Variants in STK39 observed in about 807,000 individuals in gnomAD.
STK39 encodes the protein serine/threonine kinase 39.
A neutral mutation model predicts 77.8 loss-of-function variants in STK39; 20 were observed. The observed-to-expected ratio is 0.26, with a 90% CI of 0.18 to 0.37. STK39 has a LOEUF of 0.37. STK39 is among the 10% of genes least tolerant of loss of function. The pLI is 1.00. For missense variants in STK39, 479 were observed against 656.5 expected (o/e 0.73, Z 2.95); for synonymous variants, 246 against 234.1 (o/e 1.05, Z -0.47).
rs1369804374 is a variant in STK39 at position 168,122,518 on chromosome 2, C to A, written c.1089+7023G>T. ...ACAGTGGTGTGACTATGGCTTACTG[C>A]AATTTCAACCTCCTGGGCTCCATCA... is the stretch of plus-strand genomic sequence containing the variant. On this transcript the variant is annotated intron_variant, in intron 10 of 17. Transcript: ENST00000355999. Among the ~76,000 whole-genome samples, 3 of 152,238 alleles carry A rather than the reference C, an allele frequency of 2.0e-5. 1 individual carries two copies.
intron 10 of STK39, among the ~76,000 whole-genome samples, chr2:168,100,395 T>G (rs186139124): frequency 2.7e-3 from 411 of 152,280 alleles, no homozygotes; most frequent in Admixed American, 5.3e-3. Context: ...TCATTTTACC[T>G]CTCTGAGCCT....
chr2:168,018,665 G>A (rs1684495006), intron 14 of STK39, among the ~76,000 whole-genome samples: 1 of 152,138 alleles, frequency 6.6e-6, no homozygotes, highest in African/African-American at 2.4e-5. Context: ...CAGAGTCAGA[G>A]ATGGCCTGAA....
At chr2:168,035,139 T>G (rs1434397193) in intron 14 of STK39, among the ~76,000 whole-genome samples, 1 of 152,192 alleles carries the variant, frequency 6.6e-6, no homozygotes, top group Non-Finnish European at 1.5e-5. Flanking sequence ...TTCATGCTTT[T>G]GACTGGTTAT....
At chr2:168,231,173 G>T (rs1317045705) in intron 1 of STK39, among the ~76,000 whole-genome samples, 1 of 152,168 alleles carries the variant, frequency 6.6e-6, no homozygotes, top group East Asian at 1.9e-4. Flanking sequence ...ATGCTAAAGA[G>T]TCATTTTGTA....
chr2:168,081,498 C>A (rs1370605175), intron 10 of STK39, among the ~76,000 whole-genome samples: 1 of 152,122 alleles, frequency 6.6e-6, no homozygotes, highest in Non-Finnish European at 1.5e-5. Context: ...AACTAACTTG[C>A]TTTTGATTCT....
In STK39 at chr2:168,065,358, G is replaced by T; in HGVS notation, c.1266C>A (p.Ile422=). 1.2e-6 allele frequency: 2 copies of T among 1,614,128 alleles called. No homozygotes were observed. Among genetic ancestry groups the T allele is most frequent in the Non-Finnish European group, 1.7e-6 (2 of 1,179,968 alleles). ...CAGAGAGGGACTGTATTTGTTCGGGGATGGTGCTGGCACTCACTGCAATCT... is the reference window on the plus strand; with the variant it reads ...CAGAGAGGGACTGTATTTGTTCGGGTATGGTGCTGGCACTCACTGCAATCT... ...NPEIAVSAST[I]PEQIQSLSVH... The change falls in exon 13 of 18, where the codon ATC becomes ATA. Residue 422 remains isoleucine (I), a synonymous_variant. Coordinates refer to ENST00000355999, the MANE Select transcript of STK39 (RefSeq NM_013233.3).
intron 16 of STK39, among the ~76,000 whole-genome samples, chr2:168,002,462 C>T (rs755584233): frequency 6.6e-6 from 1 of 152,212 alleles, no homozygotes; most frequent in East Asian, 1.9e-4. Flanking sequence ...CCCTGGAGAG[C>T]TGGTCATTCT....
intron 17 of STK39, among the ~76,000 whole-genome samples, chr2:167,959,491 A>G (rs941857007): frequency 2.0e-5 from 3 of 152,066 alleles, no homozygotes; most frequent in African/African-American, 7.2e-5. Context: ...ATGTCTGCCA[A>G]ATATCCGAGT....
At chr2:168,140,614 T>C in intron 6 of STK39, 35 bp downstream of exon 6, 1 of 1,503,346 alleles carries the variant, frequency 6.7e-7, no homozygotes, top group Middle Eastern at 1.7e-4. Context: ...GATTGTACTA[T>C]GTCCATCAAA....
intron 16 of STK39, among the ~76,000 whole-genome samples, chr2:167,998,242 C>G (rs1410026858): frequency 6.6e-6 from 1 of 152,180 alleles, no homozygotes; most frequent in Admixed American, 6.5e-5. Flanking sequence ...CAAAGGTTAG[C>G]TAAACAAGAA....
chr2:168,094,558 A>G (rs1170891441), intron 10 of STK39, among the ~76,000 whole-genome samples: 3 of 152,106 alleles, frequency 2.0e-5, no homozygotes, highest in African/African-American at 7.2e-5. Flanking sequence ...GCTAAATCCA[A>G]TGTCCTTTTG....
At chr2:168,077,534 G>A (rs1018809472) in intron 10 of STK39, among the ~76,000 whole-genome samples, 1 of 152,068 alleles carries the variant, frequency 6.6e-6, no homozygotes, top group African/African-American at 2.4e-5. Context: ...AATAAACATT[G>A]GTTAAACAAA....
chr2:168,014,104 C>A (rs1239084975), intron 15 of STK39, among the ~76,000 whole-genome samples: 1 of 152,066 alleles, frequency 6.6e-6, no homozygotes, highest in Admixed American at 6.6e-5. Flanking sequence ...AAGTAAATGG[C>A]AAATAAATAT....
intron 5 of STK39, among the ~76,000 whole-genome samples, chr2:168,143,520 G>C (rs993729182): frequency 1.3e-5 from 2 of 152,144 alleles, no homozygotes; most frequent in African/African-American, 4.8e-5. Context: ...AGACCATCCA[G>C]GCCAACATGG....
At position 168,073,966 on chromosome 2, in the gene STK39, C is replaced by T. The variant is rs994067078; in HGVS notation, c.1242+1016G>A. 1.1e-4 allele frequency among the ~76,000 whole-genome samples: 17 copies of T among 152,024 alleles called. 1 individual carries two copies. Among genetic ancestry groups the T allele is most frequent in the Middle Eastern group, 6.8e-3 (2 of 294 alleles). On this transcript the variant is annotated intron_variant, in intron 12 of 17. Transcript: ENST00000355999. ...ATTGAGAGGTGAATTAAATGATAAA[C>T]ATAGGAGAAAACAAAATCTGAAGGA... is the stretch of plus-strand genomic sequence containing the variant.
chr2:167,974,612 T>C (rs1044326010), intron 16 of STK39, among the ~76,000 whole-genome samples: 23 of 152,354 alleles, frequency 1.5e-4, no homozygotes, highest in Middle Eastern at 3.4e-3. Flanking sequence ...GTTATTATGT[T>C]GTTATTGCAG....
intron 2 of STK39, among the ~76,000 whole-genome samples, chr2:168,174,413 T>C (rs1193066485): frequency 1.3e-5 from 2 of 152,092 alleles, no homozygotes; most frequent in Admixed American, 1.3e-4. Flanking sequence ...TAAAATTCGC[T>C]TGGAAGTGAA....
intron 14 of STK39, among the ~76,000 whole-genome samples, chr2:168,017,662 C>A (rs1242469728): frequency 6.6e-6 from 1 of 151,928 alleles, no homozygotes; most frequent in Non-Finnish European, 1.5e-5. Flanking sequence ...CATGAGCCAC[C>A]ACACCTGGCC....
chr2:168,180,246 C>A (rs1291672174), intron 2 of STK39, among the ~76,000 whole-genome samples: 1 of 152,108 alleles, frequency 6.6e-6, no homozygotes, highest in Non-Finnish European at 1.5e-5. Context: ...ACTCGGGAGG[C>A]TAAAGCAGGA....
Sources: gnomAD v4.1 joint callset for allele counts (sites outside exome capture counted in the v4.1 genomes callset) on GRCh38, gnomAD v4.1.1 for gene constraint, MANE v1.5 for transcripts, NCBI Gene and HGNC (gene_info 2026-07-23, HGNC 2026-07-21) for gene names.